The following NMBR variants were observed in gnomAD, a reference collection of about 807,000 sequenced individuals.
The protein encoded by NMBR is neuromedin-B receptor.
A neutral mutation model predicts 20.5 loss-of-function variants in NMBR; 16 were observed. The ratio of observed to expected loss-of-function variants is 0.78; its 90% confidence interval spans 0.53 to 1.19. NMBR has a LOEUF of 1.19. Among genes scored for constraint, NMBR ranks in the 50% most tolerant of loss-of-function variants. The pLI, the probability that NMBR is intolerant of heterozygous loss-of-function variation, is 0.00. For missense variants in NMBR, 582 were observed against 499.1 expected (o/e 1.17, Z -1.58); for synonymous variants, 212 against 196.6 (o/e 1.08, Z -0.65).
chr6:142,093,962 T>C (rs1777389856), intron 1 of NMBR, among the ~76,000 whole-genome samples: 1 of 146,814 alleles, frequency 6.8e-6, no homozygotes, highest in African/African-American at 2.5e-5. Context: ...TTTTGAGAAG[T>C]GTCTGTTCAT....
At chr6:142,134,033 G>A (rs1163207452) in intron 1 of NMBR, 1 of 682,948 alleles carries the variant, frequency 1.5e-6, no homozygotes. Flanking sequence ...CACTCCACAA[G>A]TAAGTTTTTC....
At chr6:142,095,373 ATTTTGTCCAAGGCC>A in intron 1 of NMBR, among the ~76,000 whole-genome samples, 1 of 152,128 alleles carries the variant, frequency 6.6e-6, no homozygotes, top group Non-Finnish European at 1.5e-5. Flanking sequence ...GTGTTGTTGA[ATTTTGTCCAAGGCC>A]TTTTCTGCAT....
At chr6:142,135,756 T>A (rs1202521857) in intron 1 of NMBR, among the ~76,000 whole-genome samples, 2 of 151,882 alleles carry the variant, frequency 1.3e-5, no homozygotes, top group Non-Finnish European at 2.9e-5. Flanking sequence ...TTTGGTTTTT[T>A]GTCCTTGCGA....
intron 1 of NMBR, among the ~76,000 whole-genome samples, chr6:142,128,383 G>T (rs1477744576): frequency 6.6e-6 from 1 of 151,936 alleles, no homozygotes; most frequent in Non-Finnish European, 1.5e-5. Context: ...AATTGCTCTG[G>T]TTATGACTTC....
At chr6:142,098,754 T>C (rs1389922785) in intron 1 of NMBR, among the ~76,000 whole-genome samples, 1 of 152,158 alleles carries the variant, frequency 6.6e-6, no homozygotes, top group Non-Finnish European at 1.5e-5. Flanking sequence ...TTCACCTTCA[T>C]CTATAAATTC....
At chr6:142,096,696 T>G (rs1213182458) in intron 1 of NMBR, among the ~76,000 whole-genome samples, 1 of 152,192 alleles carries the variant, frequency 6.6e-6, no homozygotes, top group African/African-American at 2.4e-5. Flanking sequence ...GTCTGCTTGG[T>G]GCAGAGCCGA....
chr6:142,116,294 C>T (rs1777854098), intron 1 of NMBR, among the ~76,000 whole-genome samples: 1 of 151,786 alleles, frequency 6.6e-6, no homozygotes, highest in African/African-American at 2.4e-5. Flanking sequence ...ACACATATAC[C>T]CACATCGACA....
At chr6:142,101,027 A>G (rs1463300637) in intron 1 of NMBR, among the ~76,000 whole-genome samples, 1 of 152,224 alleles carries the variant, frequency 6.6e-6, no homozygotes, top group Admixed American at 6.5e-5. Flanking sequence ...TAGCCTCCTG[A>G]GCCAGAGTAG....
At chr6:142,137,060 G>T (rs989802503) in intron 1 of NMBR, among the ~76,000 whole-genome samples, 24 of 152,122 alleles carry the variant, frequency 1.6e-4, no homozygotes, top group Non-Finnish European at 3.4e-4. Context: ...AATGGGGATG[G>T]TATTGAATCT....
rs994348993 is a variant in NMBR at position 142,117,888 on chromosome 6, A to G, written c.-663-28567T>C. Among the ~76,000 whole-genome samples the G allele has an allele frequency of 2.0e-5, 3 of 151,982 alleles. No homozygotes were observed. In the East Asian group the frequency reaches 5.8e-4, roughly 29 times the overall value. ...TTTACAATTTATCATTACATCCAAC[A>G]TTGAAAAATGATAACAAAGTGATGA... On this transcript the variant is annotated intron_variant, in intron 1 of 3. Coordinates refer to ENST00000258042, the MANE Select transcript of NMBR (RefSeq NM_002511.4).
intron 1 of NMBR, among the ~76,000 whole-genome samples, chr6:142,133,693 T>A (rs1778188629): frequency 2.0e-5 from 3 of 152,224 alleles, no homozygotes. Context: ...AATCTCATAA[T>A]GCAGGAATTA....
At chr6:142,116,693 C>T (rs1468182757) in intron 1 of NMBR, among the ~76,000 whole-genome samples, 5 of 151,852 alleles carry the variant, frequency 3.3e-5, no homozygotes, top group Non-Finnish European at 5.9e-5. Flanking sequence ...AATTTTTAGC[C>T]AGGTATTATT....
intron 1 of NMBR, among the ~76,000 whole-genome samples, chr6:142,124,051 T>C (rs1164817573): frequency 6.6e-6 from 1 of 151,802 alleles, no homozygotes. Flanking sequence ...TTCGAAACCA[T>C]ATCAAGCAGT....
intron 1 of NMBR, among the ~76,000 whole-genome samples, chr6:142,103,411 A>C (rs1294888605): frequency 6.6e-6 from 1 of 152,214 alleles, no homozygotes; most frequent in Non-Finnish European, 1.5e-5. Flanking sequence ...AATGTACATA[A>C]AGTTTTAAAA....
At chr6:142,105,529 T>C (rs1026040077) in intron 1 of NMBR, among the ~76,000 whole-genome samples, 1 of 152,248 alleles carries the variant, frequency 6.6e-6, no homozygotes, top group African/African-American at 2.4e-5. Flanking sequence ...TATATTCATC[T>C]AGATTTATCT....
rs746892172 is a variant in NMBR, at chr6:142,076,033, C to G, written c.788G>C (p.Arg263Pro). The G allele has an allele frequency of 5.7e-6, 9 of 1,580,554 alleles. No homozygotes were observed. Among genetic ancestry groups the G allele is most frequent in the African/African-American group, 2.7e-5 (2 of 73,284 alleles). The stretch of plus-strand genomic sequence containing the variant: ...AAAGACAAGCACAATTTTAGCCAGG[C>G]GTTTCCGTGTTTCCATCTGCAAATA... Reference protein sequence around the residue: ...HTKKQMETRKRLAKIVLVFVG... With the variant: ...HTKKQMETRKPLAKIVLVFVG... Residue 263 changes from arginine (R) to proline (P), a missense_variant, in exon 4 of 4, where the codon CGC becomes CCC. By Grantham distance (103) the Arg-to-Pro change is moderately radical. Transcript: ENST00000258042.
At chr6:142,130,489 A>G (rs1179115049) in intron 1 of NMBR, among the ~76,000 whole-genome samples, 1 of 152,156 alleles carries the variant, frequency 6.6e-6, no homozygotes, top group Non-Finnish European at 1.5e-5. Context: ...TCTTAAGAGC[A>G]CTTCAGAAAA....
Position 142,133,116 on chromosome 6 carries a change from A to G in NMBR, c.-664+13928T>C, listed in dbSNP as rs1255691593. ...CAGAAGCAAACTGGCAATGTGGGTC[A>G]AGAATTAACCAACAGGAATGCCAGG... On this transcript the variant is annotated intron_variant, in intron 1 of 3. Transcript: ENST00000258042. 1.6e-5 allele frequency: 10 copies of G among 641,272 alleles called. No individual in the cohort carries two copies. The Admixed American group carries it at 2.4e-4, about 16-fold the overall frequency. The allele number at this position is 641,272 out of a possible 1,614,324, so 39.7% of individuals were successfully genotyped here.
intron 1 of NMBR, among the ~76,000 whole-genome samples, chr6:142,126,165 C>T (rs991923887): frequency 2.2e-4 from 34 of 151,716 alleles, no homozygotes; most frequent in African/African-American, 7.7e-4. Flanking sequence ...CTGTTTCTGG[C>T]TTATTTCCCG....
Sources: allele counts gnomAD v4.1 joint callset (sites outside exome capture counted in the v4.1 genomes callset), GRCh38; gene constraint gnomAD v4.1.1; transcripts MANE v1.5; gene names NCBI Gene and HGNC (gene_info 2026-07-23, HGNC 2026-07-21).